The following MAGI1 variants were observed in gnomAD, a reference collection of about 807,000 sequenced individuals.
MAGI1 encodes the protein membrane associated guanylate kinase, WW and PDZ domain containing 1, also known as membrane-associated guanylate kinase, WW and PDZ domain-containing protein 1.
MAGI1 carries 58 observed loss-of-function variants against 139.9 expected under a neutral mutation model. The observed-to-expected ratio is 0.41, with a 90% CI of 0.34 to 0.52. The LOEUF (loss-of-function observed/expected upper bound fraction) is 0.52, where lower values mean the gene tolerates loss of function less well. Among genes scored for constraint, MAGI1 ranks in the 20% least tolerant of loss-of-function variants. The pLI is 0.12. For synonymous variants in MAGI1, 812 were observed against 737.9 expected, an observed-to-expected ratio of 1.10 and a Z score of -1.63; for missense variants, 1,874 against 1,901.6, an observed-to-expected ratio of 0.99 and a Z score of 0.27.
rs1338324359 is a variant in MAGI1 at position 65,590,379 on chromosome 3, T to TA, written c.430+31592dup. Among the ~76,000 whole-genome samples the TA allele has an allele frequency of 3.3e-5, 5 of 152,272 alleles. No homozygotes were observed. The East Asian group carries it at 9.7e-4, about 29-fold the overall frequency. On this transcript the variant is annotated intron_variant, in intron 2 of 22. Coordinates refer to ENST00000402939, the MANE Select transcript of MAGI1 (RefSeq NM_001033057.2). ...AACAACTATTTGTTTGATTAATCGG[T>TA]AAAAAAATCATAAAGATTTCAACTT... is the stretch of plus-strand genomic sequence containing the variant.
At position 65,464,730 on chromosome 3, in the gene MAGI1, G is replaced by A. The variant is rs115843436; in HGVS notation, c.959+5553C>T. Among the ~76,000 whole-genome samples, 645 of 152,006 alleles carry A rather than the reference G, an allele frequency of 4.2e-3. 4 individuals are homozygous for A. The highest frequency in any genetic ancestry group is 0.014 in the African/African-American group (600 of 41,506). Reference sequence around the variant, plus strand: ...TTAATTCACTTTGCCATTCCCCATCGTTAAAGTGCTGTATTTAGTTCACTT... The same window carrying A: ...TTAATTCACTTTGCCATTCCCCATCATTAAAGTGCTGTATTTAGTTCACTT... On this transcript the variant is annotated intron_variant, in intron 5 of 22. Coordinates refer to ENST00000402939, the MANE Select transcript of MAGI1 (RefSeq NM_001033057.2).
chr3:65,717,612 C>T (rs1301054911), intron 1 of MAGI1: 2 of 152,162 alleles, frequency 1.3e-5, no homozygotes, highest in Admixed American at 1.3e-4. Context: ...TGCCTAGAAA[C>T]TGATATAACA....
intron 12 of MAGI1, among the ~76,000 whole-genome samples, chr3:65,417,645 T>G (rs1386612268): frequency 6.6e-6 from 1 of 152,042 alleles, no homozygotes; most frequent in Admixed American, 6.6e-5. Flanking sequence ...CATTCATGTA[T>G]GATATCATTG....
intron 2 of MAGI1, among the ~76,000 whole-genome samples, chr3:65,603,499 A>C (rs887350112): frequency 6.6e-6 from 1 of 152,376 alleles, no homozygotes; most frequent in South Asian, 2.1e-4. Context: ...ACATGCATTA[A>C]ATTTTCTGTC....
At chr3:65,940,985 G>C (rs949581966) in intron 1 of MAGI1, among the ~76,000 whole-genome samples, 4 of 152,066 alleles carry the variant, frequency 2.6e-5, no homozygotes, top group Non-Finnish European at 5.9e-5. Flanking sequence ...CTCAAAATTT[G>C]TAATTTCACA....
At chr3:65,634,351 C>T (rs2084481894) in intron 1 of MAGI1, among the ~76,000 whole-genome samples, 1 of 152,224 alleles carries the variant, frequency 6.6e-6, no homozygotes, top group African/African-American at 2.4e-5. Context: ...TAAGCCAGTG[C>T]CTGATTCTGG....
intron 1 of MAGI1, among the ~76,000 whole-genome samples, chr3:66,037,683 T>A (rs2069012849): frequency 1.3e-5 from 2 of 152,252 alleles, no homozygotes; most frequent in Middle Eastern, 3.4e-3. Flanking sequence ...CCTGACTCAG[T>A]TCCCCAACTC....
At chr3:65,659,087 C>T (rs2086046277) in intron 1 of MAGI1, among the ~76,000 whole-genome samples, 1 of 152,066 alleles carries the variant, frequency 6.6e-6, no homozygotes, top group Non-Finnish European at 1.5e-5. Flanking sequence ...TTCAGTCAGA[C>T]TAAATAATTT....
chr3:65,873,641 A>C (rs1445713646), intron 1 of MAGI1: 5 of 152,230 alleles, frequency 3.3e-5, no homozygotes, highest in Non-Finnish European at 7.3e-5. Context: ...GAAGGACAGC[A>C]TGTGTAGAGA....
At chr3:65,602,255 T>C (rs1026689325) in intron 2 of MAGI1, among the ~76,000 whole-genome samples, 3 of 152,282 alleles carry the variant, frequency 2.0e-5, no homozygotes, top group East Asian at 3.9e-4. Context: ...TATACATGAA[T>C]GTTATAGCAG....
At chr3:65,688,910 T>G (rs1022402880) in intron 1 of MAGI1, among the ~76,000 whole-genome samples, 1 of 152,188 alleles carries the variant, frequency 6.6e-6, no homozygotes, top group Non-Finnish European at 1.5e-5. Flanking sequence ...TAAGAAACTA[T>G]TGACGCTGGC....
At chr3:66,025,372 C>G (rs995263320) in intron 1 of MAGI1, among the ~76,000 whole-genome samples, 1 of 120,224 alleles carries the variant, frequency 8.3e-6, no homozygotes, top group Non-Finnish European at 1.7e-5. Context: ...AACCCTGTCT[C>G]TACCCAAAAA....
chr3:65,486,708 T>C (rs74739477), intron 3 of MAGI1, among the ~76,000 whole-genome samples: 2,806 of 152,250 alleles, frequency 0.018, 86 homozygotes, highest in African/African-American at 0.063. Flanking sequence ...TACTAATAAC[T>C]TCTATGCCTT....
At chr3:65,812,468 T>TCTCACACACA (rs1176899313) in intron 1 of MAGI1, among the ~76,000 whole-genome samples, 15 of 89,168 alleles carry the variant, frequency 1.7e-4, no homozygotes, top group African/African-American at 4.8e-4. Context: ...TCTCTCTCTC[T>TCTCACACACA]CACACACACA....
At chr3:65,822,544 A>C (rs2042004717) in intron 1 of MAGI1, among the ~76,000 whole-genome samples, 1 of 152,150 alleles carries the variant, frequency 6.6e-6, no homozygotes, top group Non-Finnish European at 1.5e-5. Context: ...GTAAAAAATA[A>C]ATAATAAATA....
intron 2 of MAGI1, among the ~76,000 whole-genome samples, chr3:65,560,290 T>G (rs1174368446): frequency 2.6e-5 from 4 of 152,194 alleles, no homozygotes; most frequent in Non-Finnish European, 5.9e-5. Context: ...GATGGTGCAC[T>G]GAAAAATGTA....
chr3:65,420,198 C>T (rs1377753430), intron 12 of MAGI1, among the ~76,000 whole-genome samples: 2 of 152,108 alleles, frequency 1.3e-5, no homozygotes, highest in African/African-American at 2.4e-5. Context: ...AAATGGAATT[C>T]GAACTCCAGG....
At chr3:65,776,170 C>T (rs1315270704) in intron 1 of MAGI1, among the ~76,000 whole-genome samples, 1 of 151,534 alleles carries the variant, frequency 6.6e-6, no homozygotes, top group Non-Finnish European at 1.5e-5. Flanking sequence ...ATAGGTGGTG[C>T]AGAAAGTATT....
intron 1 of MAGI1, among the ~76,000 whole-genome samples, chr3:65,652,898 A>G (rs897820190): frequency 2.4e-4 from 37 of 152,108 alleles, no homozygotes; most frequent in Non-Finnish European, 4.9e-4. Flanking sequence ...CATGATGCCC[A>G]AAACTTCGGA....
Sources: allele counts gnomAD v4.1 joint callset (sites outside exome capture counted in the v4.1 genomes callset), GRCh38; gene constraint gnomAD v4.1.1; transcripts MANE v1.5; gene names NCBI Gene and HGNC (gene_info 2026-07-23, HGNC 2026-07-21).